The following CCDC90B variants were observed in gnomAD, a reference collection of about 807,000 sequenced individuals.
CCDC90B encodes coiled-coil domain-containing protein 90B, mitochondrial.
A neutral mutation model predicts 37.0 loss-of-function variants in CCDC90B; 24 were observed. The observed-to-expected ratio is 0.65, with a 90% CI of 0.47 to 0.91. The LOEUF (loss-of-function observed/expected upper bound fraction) is 0.91. Ranked by LOEUF, CCDC90B falls within the 40% of genes least tolerant of loss-of-function variation. CCDC90B has a pLI of 0.00. For synonymous variants in CCDC90B, 113 were observed against 101.1 expected (o/e 1.12, Z -0.71); for missense variants, 319 against 299.0 (o/e 1.07, Z -0.49).
Position 83,279,288 on chromosome 11 carries a change from A to C in CCDC90B, c.221-459T>G, listed in dbSNP as rs548912225. Among the ~76,000 whole-genome samples, 415 of 152,050 alleles carry C rather than the reference A, an allele frequency of 2.7e-3. 3 individuals carry two copies. Among genetic ancestry groups the C allele is most frequent in the African/African-American group, 9.4e-3 (389 of 41,478 alleles). The stretch of plus-strand genomic sequence containing the variant: ...AGAGCGAGACTCTGTCTCAAAAAAA[A>C]CAAAAAAAAAACAAACAAAAAAACA... On this transcript the variant is annotated intron_variant, in intron 2 of 8. Coordinates refer to ENST00000529689, the MANE Select transcript of CCDC90B (RefSeq NM_021825.5).
intron 8 of CCDC90B, among the ~76,000 whole-genome samples, chr11:83,264,441 C>T (rs761843279): frequency 5.9e-5 from 9 of 152,158 alleles, no homozygotes; most frequent in Non-Finnish European, 1.0e-4. Context: ...TTCACTTTTT[C>T]GGCTTTTGAA....
At position 83,274,744 on chromosome 11, in the gene CCDC90B, GA is replaced by G. The variant is rs775934723; in HGVS notation, c.325-5del. On this transcript the variant is annotated splice_region_variant and splice_polypyrimidine_tract_variant and intron_variant, in intron 3 of 8. Coordinates refer to ENST00000529689, the MANE Select transcript of CCDC90B (RefSeq NM_021825.5). ...TTAGCTGTTGTACTGTTATTTCCTA[GA>G]AAACAAAATAAAAATAACCTAGTGA... 3.2e-6 allele frequency: 5 copies of G among 1,571,268 alleles called. No homozygotes were observed. Among genetic ancestry groups the G allele is most frequent in the Non-Finnish European group, 4.4e-6 (5 of 1,146,796 alleles).
chr11:83,273,387 T>G (rs568075966), intron 7 of CCDC90B: 1 of 252,800 alleles, frequency 4.0e-6, no homozygotes, highest in African/African-American at 2.2e-5. Flanking sequence ...ATAGTTATTT[T>G]CTATTATAGA....
In CCDC90B at chr11:83,286,317, G is replaced by T; in HGVS notation, c.-345C>A. 1.1e-6 allele frequency: 1 copy of T among 884,170 alleles called. No homozygotes were observed. The highest frequency in any genetic ancestry group is 1.7e-5 in the South Asian group (1 of 58,024). 54.8% of individuals were successfully genotyped at this position (884,170 alleles called of 1,614,324 possible). A position where few individuals can be genotyped will look rare whatever the true frequency, so the allele number is the denominator to read the frequency against. ...ATAGTCCAACAGCTGGCTCCCCCAA[G>T]ATAGCCAGCGGCCATTACGCGCTTG... On this transcript the variant is annotated 5_prime_UTR_variant, in exon 1 of 9. Transcript: ENST00000529689.
intron 8 of CCDC90B, 146 bp downstream of exon 8, chr11:83,265,719 C>A: frequency 3.8e-6 from 2 of 521,886 alleles, no homozygotes; most frequent in Admixed American, 3.5e-5. Flanking sequence ...AGACTGGAAC[C>A]TTCTTTAAGC....
At chr11:83,282,977 C>A (rs1271789140) in intron 1 of CCDC90B, among the ~76,000 whole-genome samples, 1 of 152,184 alleles carries the variant, frequency 6.6e-6, no homozygotes, top group East Asian at 1.9e-4. Flanking sequence ...ATGGATTAAT[C>A]TATGGCTACT....
chr11:83,261,014 T>A lies in CCDC90B; in HGVS notation c.*897A>T, dbSNP rs529155629. ...TTTTGAGTATCAAATATTTAAAAAA[T>A]ACATGTAATAATCAGAGCTCAATAT... On this transcript the variant is annotated 3_prime_UTR_variant, in exon 9 of 9. Coordinates refer to ENST00000529689, the MANE Select transcript of CCDC90B (RefSeq NM_021825.5). The A allele has an allele frequency of 6.6e-6, 1 of 152,190 alleles. No homozygotes were observed. The allele number at this position is 152,190 out of a possible 1,614,324, so 9.4% of individuals were successfully genotyped here.
At chr11:83,262,979 G>A (rs1864018117) in intron 8 of CCDC90B, among the ~76,000 whole-genome samples, 1 of 152,086 alleles carries the variant, frequency 6.6e-6, no homozygotes, top group Non-Finnish European at 1.5e-5. Context: ...TTAACCATGA[G>A]ATTGGTGGTA....
chr11:83,268,670 C>T (rs1482956375), intron 7 of CCDC90B, among the ~76,000 whole-genome samples: 1 of 152,174 alleles, frequency 6.6e-6, no homozygotes. Context: ...GAGACTTTAA[C>T]ACTCCACTGT....
At chr11:83,278,688 A>G (rs1413539650) in intron 3 of CCDC90B, 38 bp downstream of exon 3, 2 of 1,292,902 alleles carry the variant, frequency 1.5e-6, no homozygotes. Flanking sequence ...ATGATTGTCT[A>G]ATGAAAGTAT....
chr11:83,259,141 CAT>C lies in CCDC90B; in HGVS notation c.*2768_*2769del, dbSNP rs1221949614. On this transcript the variant is annotated 3_prime_UTR_variant, in exon 9 of 9. Transcript: ENST00000529689. ...CCACAGGCGTTTAACAAGTACCTCA[CAT>C]GTGTCTAGAGGCCTTCTGAGAACTT... 1.3e-5 allele frequency: 2 copies of C among 152,190 alleles called. No homozygotes were observed. The highest frequency in any genetic ancestry group is 2.9e-5 in the Non-Finnish European group (2 of 68,038). The allele number at this position is 152,190 out of a possible 1,614,324, so 9.4% of individuals were successfully genotyped here. A position where few individuals can be genotyped will look rare whatever the true frequency, so the allele number is the denominator to read the frequency against.
At position 83,260,573 on chromosome 11, in the gene CCDC90B, A is replaced by AATC. The variant is rs2135575471; in HGVS notation, c.*1335_*1337dup. ...TCTCACTCACTGGACCATATGGACCAATCTCTTGACTGCTCTATACTGCAG... is the reference window on the plus strand; with the variant it reads ...TCTCACTCACTGGACCATATGGACCAATCATCTCTTGACTGCTCTATACTGCAG... On this transcript the variant is annotated 3_prime_UTR_variant, in exon 9 of 9. Coordinates refer to ENST00000529689, the MANE Select transcript of CCDC90B (RefSeq NM_021825.5). 6.6e-6 allele frequency: 1 copy of AATC among 152,360 alleles called. No homozygotes were observed. Among genetic ancestry groups the AATC allele is most frequent in the East Asian group, 1.9e-4 (1 of 5,184 alleles). 9.4% of individuals were successfully genotyped at this position (152,360 alleles called of 1,614,324 possible).
At chr11:83,262,047 GT>G (rs1354450084) in intron 8 of CCDC90B, 81 bp from the exon 9 acceptor site, 4 of 951,588 alleles carry the variant, frequency 4.2e-6, no homozygotes, top group Admixed American at 5.1e-5. Flanking sequence ...TTATCTTTAA[GT>G]GAAGAGCAAA....
intron 8 of CCDC90B, among the ~76,000 whole-genome samples, chr11:83,264,558 G>T (rs961904041): frequency 6.6e-6 from 1 of 152,150 alleles, no homozygotes; most frequent in Non-Finnish European, 1.5e-5. Flanking sequence ...TCTGCTGAGA[G>T]ATCTGCTGTT....
chr11:83,260,952 T>TAAATA lies in CCDC90B; in HGVS notation c.*958_*959insTATTT. ...TTTATGTAATAAATTTAAGATGGGTTAACTTAAACTACATTAAGAAGCAGG... is the reference window on the plus strand; with the variant it reads ...TTTATGTAATAAATTTAAGATGGGTTAAATAAACTTAAACTACATTAAGAAGCAGG... On this transcript the variant is annotated 3_prime_UTR_variant, in exon 9 of 9. Transcript: ENST00000529689. The TAAATA allele has an allele frequency of 6.6e-6, 1 of 152,340 alleles. No individual in the cohort carries two copies. Among genetic ancestry groups the TAAATA allele is most frequent in the South Asian group, 2.1e-4 (1 of 4,824 alleles). 9.4% of individuals were successfully genotyped at this position (152,340 alleles called of 1,614,324 possible). A position where few individuals can be genotyped will look rare whatever the true frequency, so the allele number is the denominator to read the frequency against.
chr11:83,281,597 A>G (rs1865386913), intron 1 of CCDC90B, among the ~76,000 whole-genome samples: 1 of 152,192 alleles, frequency 6.6e-6, no homozygotes, highest in African/African-American at 2.4e-5. Flanking sequence ...TTTCACTTGA[A>G]TGTCATCTAG....
At chr11:83,268,594 C>T (rs1361787162) in intron 7 of CCDC90B, among the ~76,000 whole-genome samples, 1 of 152,104 alleles carries the variant, frequency 6.6e-6, no homozygotes, top group East Asian at 1.9e-4. Flanking sequence ...ACAGGAGCAG[C>T]CAAATTCATA....
At chr11:83,268,043 C>A (rs939821642) in intron 7 of CCDC90B, among the ~76,000 whole-genome samples, 1 of 152,124 alleles carries the variant, frequency 6.6e-6, no homozygotes, top group South Asian at 2.1e-4. Context: ...CCTTTACAGA[C>A]AAGCAAATGC....
intron 1 of CCDC90B, among the ~76,000 whole-genome samples, chr11:83,282,681 T>C (rs961356339): frequency 6.6e-6 from 1 of 152,222 alleles, no homozygotes; most frequent in Admixed American, 6.5e-5. Context: ...AAGCTCTCCT[T>C]TTCTTTGCCT....
Sources: allele counts gnomAD v4.1 joint callset (sites outside exome capture counted in the v4.1 genomes callset), GRCh38; gene constraint gnomAD v4.1.1; transcripts MANE v1.5; gene names NCBI Gene and HGNC (gene_info 2026-07-23, HGNC 2026-07-21).